Variants in YAF2 observed in about 807,000 individuals in gnomAD.
YAF2 encodes YY1-associated factor 2.
YAF2 carries 7 observed loss-of-function variants against 20.1 expected under a neutral mutation model. The observed-to-expected ratio is 0.35, with a 90% CI of 0.20 to 0.65. The LOEUF (loss-of-function observed/expected upper bound fraction) is 0.65. Ranked by LOEUF, YAF2 falls within the 30% of genes least tolerant of loss-of-function variation. YAF2 has a pLI of 0.69. For synonymous variants in YAF2, 74 were observed against 76.0 expected (o/e 0.97, Z 0.14); for missense variants, 151 against 219.2 (o/e 0.69, Z 1.96).
At position 42,157,430 on chromosome 12, in the gene YAF2, C is replaced by CA. The variant is rs1247020019; in HGVS notation, c.*3158dup. ...ACAATCAAACTGGGGACTCAGGCCTCAGCATGAGTTTTGGTGAGGACAAAC... is the reference window on the plus strand; with the variant it reads ...ACAATCAAACTGGGGACTCAGGCCTCAAGCATGAGTTTTGGTGAGGACAAAC... On this transcript the variant is annotated 3_prime_UTR_variant, in exon 4 of 4. Transcript: ENST00000534854. 1.1e-4 allele frequency: 16 copies of CA among 152,330 alleles called. No individual in the cohort carries two copies. Among genetic ancestry groups the CA allele is most frequent in the African/African-American group, 3.6e-4 (15 of 41,572 alleles). The allele number at this position is 152,330 out of a possible 1,614,324, so 9.4% of individuals were successfully genotyped here.
At chr12:42,160,879 T>A in intron 3 of YAF2, 53 bp from the exon 4 acceptor site, 1 of 1,463,410 alleles carries the variant, frequency 6.8e-7, no homozygotes. Flanking sequence ...ACCAAATTTC[T>A]GAGCATATAA....
intron 2 of YAF2, among the ~76,000 whole-genome samples, chr12:42,168,478 G>A (rs1045543503): frequency 6.6e-6 from 1 of 152,022 alleles, no homozygotes; most frequent in African/African-American, 2.4e-5. Flanking sequence ...CACCATGCCT[G>A]GCCGAAAGAC....
At chr12:42,217,654 A>T (rs912173788) in intron 2 of YAF2, among the ~76,000 whole-genome samples, 7 of 152,182 alleles carry the variant, frequency 4.6e-5, no homozygotes, top group African/African-American at 1.7e-4. Flanking sequence ...ATATTTAATT[A>T]CCACCAAAAA....
intron 2 of YAF2, among the ~76,000 whole-genome samples, chr12:42,229,359 C>T (rs1480148630): frequency 2.2e-5 from 3 of 138,760 alleles, no homozygotes; most frequent in African/African-American, 5.5e-5. Context: ...ACTATTGTCC[C>T]ATGACCCTGC....
At chr12:42,182,466 A>G (rs2066368867) in intron 2 of YAF2, among the ~76,000 whole-genome samples, 1 of 152,256 alleles carries the variant, frequency 6.6e-6, no homozygotes, top group African/African-American at 2.4e-5. Context: ...TTACATCAAA[A>G]CTGAAAGAAA....
At chr12:42,230,712 C>T (rs1269688600) in intron 2 of YAF2, among the ~76,000 whole-genome samples, 1 of 152,174 alleles carries the variant, frequency 6.6e-6, no homozygotes, top group Non-Finnish European at 1.5e-5. Flanking sequence ...GAGACAATGA[C>T]AGTTTCTAGC....
Position 42,160,721 on chromosome 12 carries a change from C to T in YAF2, c.411G>A (p.Pro137=), listed in dbSNP as rs571574628. The T allele has an allele frequency of 4.3e-6, 7 of 1,613,602 alleles. No individual in the cohort carries two copies. The highest frequency in any genetic ancestry group is 1.7e-5 in the Admixed American group (1 of 59,864). ...ITDFKEKTKS[P]PASSAASADQ... is the part of the protein sequence containing the mutation. ...CTGCAGAAGCAGCACTAGATGCAGG[C>T]GGTGACTTTGTTTTCTCCTTAAAGT... The change falls in exon 4 of 4, where the codon CCG becomes CCA. Residue 137 remains proline (P), a synonymous_variant. Coordinates refer to ENST00000534854, the MANE Select transcript of YAF2 (RefSeq NM_005748.6).
rs201699421 is a variant in YAF2, at chr12:42,175,365, GGGTAGGTACAGGA to G, written c.153-13613_153-13601del. On this transcript the variant is annotated intron_variant, in intron 2 of 3. Transcript: ENST00000534854. ...TGCCTAGCAACCAGAGATGGGATGG[GGGTAGGTACAGGA>G]GGGAGGAATTAAAAATGGGCACAAA... Among the ~76,000 whole-genome samples, 943 of 152,136 alleles carry G rather than the reference GGGTAGGTACAGGA, an allele frequency of 6.2e-3. 6 individuals are homozygous for G. Among genetic ancestry groups the G allele is most frequent in the African/African-American group, 0.021 (890 of 41,516 alleles).
intron 2 of YAF2, among the ~76,000 whole-genome samples, chr12:42,168,744 C>T (rs956356093): frequency 6.6e-6 from 1 of 152,086 alleles, no homozygotes; most frequent in Non-Finnish European, 1.5e-5. Flanking sequence ...ATCTACTATA[C>T]AAACTCTAGA....
At chr12:42,179,117 C>G (rs1259920225) in intron 2 of YAF2, among the ~76,000 whole-genome samples, 2 of 152,206 alleles carry the variant, frequency 1.3e-5, no homozygotes. Flanking sequence ...TTTACTTAGA[C>G]TGGGATAGAG....
chr12:42,229,972 T>C (rs2067929511), intron 2 of YAF2, among the ~76,000 whole-genome samples: 1 of 152,166 alleles, frequency 6.6e-6, no homozygotes, highest in Non-Finnish European at 1.5e-5. Context: ...AGGGCTTCTT[T>C]GAAAAGTACC....
At chr12:42,235,098 G>C in intron 2 of YAF2, 1 of 985,844 alleles carries the variant, frequency 1.0e-6, no homozygotes, top group Non-Finnish European at 1.2e-6. Context: ...GCTTAGACTT[G>C]GCCTAACATT....
intron 2 of YAF2, among the ~76,000 whole-genome samples, chr12:42,208,085 G>A (rs1168118082): frequency 1.3e-5 from 2 of 152,016 alleles, no homozygotes; most frequent in Admixed American, 1.3e-4. Context: ...ACATACCTGT[G>A]TAAAAAATAA....
At chr12:42,199,441 A>C in intron 2 of YAF2, 1 of 249,446 alleles carries the variant, frequency 4.0e-6, no homozygotes, top group South Asian at 4.3e-5. Flanking sequence ...TTAGATATTT[A>C]AATTCACTCT....
chr12:42,236,009 C>A (rs1450344431), intron 2 of YAF2: 3 of 1,535,864 alleles, frequency 2.0e-6, no homozygotes, highest in Non-Finnish European at 1.7e-6. Flanking sequence ...TGCAAATAAA[C>A]ATATAGGCTC....
chr12:42,219,063 A>G lies in YAF2; in HGVS notation c.152+18536T>C, dbSNP rs534619405. 3.3e-5 allele frequency among the ~76,000 whole-genome samples: 5 copies of G among 152,340 alleles called. No individual in the cohort carries two copies. In the South Asian group the frequency reaches 1.0e-3, roughly 32 times the overall value. On this transcript the variant is annotated intron_variant, in intron 2 of 3. Coordinates refer to ENST00000534854, the MANE Select transcript of YAF2 (RefSeq NM_005748.6). ...TGGTAAAACAGGGCAGTGATTTTCCAAAAATGTTTTGCAAAACACCCTTAT... is the reference window on the plus strand; with the variant it reads ...TGGTAAAACAGGGCAGTGATTTTCCGAAAATGTTTTGCAAAACACCCTTAT...
intron 2 of YAF2, chr12:42,232,827 C>T: frequency 1.0e-6 from 1 of 985,280 alleles, no homozygotes; most frequent in Non-Finnish European, 1.2e-6. Flanking sequence ...GCTGAAATAA[C>T]TCACTCTTTT....
intron 2 of YAF2, 67 bp from the exon 3 acceptor site, chr12:42,161,832 A>C: frequency 7.3e-7 from 1 of 1,375,686 alleles, no homozygotes; most frequent in Non-Finnish European, 9.9e-7. Context: ...TTATGACAGA[A>C]TATCTCACAT....
chr12:42,179,825 A>G (rs181152585), intron 2 of YAF2, among the ~76,000 whole-genome samples: 94 of 150,362 alleles, frequency 6.3e-4, no homozygotes, highest in African/African-American at 2.3e-3. Context: ...CAGTAGTATT[A>G]AAAGATGTTA....
Sources: gnomAD v4.1 joint callset for allele counts (sites outside exome capture counted in the v4.1 genomes callset) on GRCh38, gnomAD v4.1.1 for gene constraint, MANE v1.5 for transcripts, NCBI Gene and HGNC (gene_info 2026-07-23, HGNC 2026-07-21) for gene names.